The following NEDD4L variants were observed in gnomAD, a reference collection of about 807,000 sequenced individuals.
The protein encoded by NEDD4L is NEDD4 like E3 ubiquitin protein ligase.
In NEDD4L, 54 loss-of-function variants were observed where a neutral mutation model predicts 148.9. That is an observed-to-expected ratio of 0.36 (90% confidence interval 0.29 to 0.45). NEDD4L has a LOEUF of 0.45. Ranked by LOEUF, NEDD4L falls within the 20% of genes least tolerant of loss-of-function variation. The pLI, the probability that NEDD4L is intolerant of heterozygous loss-of-function variation, is 1.00. For missense variants in NEDD4L, 856 were observed against 1,233.8 expected, an observed-to-expected ratio of 0.69 and a Z score of 4.59; for synonymous variants, 433 against 440.7, an observed-to-expected ratio of 0.98 and a Z score of 0.22.
rs567751490 is a variant in NEDD4L, at chr18:58,114,845, G to A, written c.49-50943G>A. On this transcript the variant is annotated intron_variant, in intron 1 of 30. Coordinates refer to ENST00000400345, the MANE Select transcript of NEDD4L (RefSeq NM_001144967.3). The stretch of plus-strand genomic sequence containing the variant: ...CTGCGTTTGCAAAGCCAGCAGAGTA[G>A]CATCTCTGTGGCCATTCCCACATGG... Among the ~76,000 whole-genome samples the A allele has an allele frequency of 6.8e-4, 104 of 152,306 alleles. No individual in the cohort carries two copies. In the South Asian group the frequency reaches 7.5e-3, roughly 11 times the overall value.
chr18:58,229,916 G>C (rs2044902326), intron 2 of NEDD4L, among the ~76,000 whole-genome samples: 1 of 152,122 alleles, frequency 6.6e-6, no homozygotes, highest in Admixed American at 6.5e-5. Context: ...TTGAACCCAG[G>C]AGGCGGAGGT....
At chr18:58,216,912 AT>A (rs1322937019) in intron 2 of NEDD4L, among the ~76,000 whole-genome samples, 1 of 152,236 alleles carries the variant, frequency 6.6e-6, no homozygotes, top group Non-Finnish European at 1.5e-5. Context: ...AAAATTAAAC[AT>A]TAGGAATACA....
intron 1 of NEDD4L, among the ~76,000 whole-genome samples, chr18:58,080,117 G>T (rs1169251718): frequency 6.6e-6 from 1 of 152,060 alleles, no homozygotes; most frequent in Admixed American, 6.6e-5. Flanking sequence ...TAGAGACCGG[G>T]TCTCACTGTC....
At chr18:58,151,377 G>A (rs2034715857) in intron 1 of NEDD4L, among the ~76,000 whole-genome samples, 1 of 152,000 alleles carries the variant, frequency 6.6e-6, no homozygotes, top group African/African-American at 2.4e-5. Context: ...TTTCACTGTT[G>A]CGTGTTAGCA....
Position 58,090,073 on chromosome 18 carries a change from C to T in NEDD4L, c.48+45365C>T, listed in dbSNP as rs1447192545. Among the ~76,000 whole-genome samples the T allele has an allele frequency of 3.9e-5, 6 of 152,218 alleles. No individual in the cohort carries two copies. In the East Asian group the frequency reaches 9.7e-4, roughly 25 times the overall value. ...CAGGCTGGTCTCGAACTCCTGACCT[C>T]GTGATCTGCTCACCTCGTCCTCCCA... On this transcript the variant is annotated intron_variant, in intron 1 of 30. Coordinates refer to ENST00000400345, the MANE Select transcript of NEDD4L (RefSeq NM_001144967.3).
chr18:58,226,782 C>T (rs986315342), intron 2 of NEDD4L, among the ~76,000 whole-genome samples: 16 of 152,148 alleles, frequency 1.1e-4, no homozygotes, highest in African/African-American at 3.9e-4. Context: ...ACAGAGATGA[C>T]ATCCAGTTGT....
intron 2 of NEDD4L, among the ~76,000 whole-genome samples, chr18:58,201,685 CT>C (rs778479564): frequency 6.6e-6 from 1 of 152,346 alleles, no homozygotes; most frequent in African/African-American, 2.4e-5. Context: ...TCCCTGCCCC[CT>C]AATAGGTAAC....
intron 5 of NEDD4L, among the ~76,000 whole-genome samples, chr18:58,298,012 A>T (rs2055905713): frequency 6.6e-6 from 1 of 152,170 alleles, no homozygotes; most frequent in South Asian, 2.1e-4. Flanking sequence ...ATAGCAGTTT[A>T]AATTCTTGAA....
In NEDD4L at chr18:58,373,316, A is replaced by G. The variant is rs1020737850; in HGVS notation, c.2352+47A>G. ...AACTCTTCTTTAGCTTTCAAGGGGCATTTTTCTTCTTGACGGGCTGTAACA... is the reference window on the plus strand; with the variant it reads ...AACTCTTCTTTAGCTTTCAAGGGGCGTTTTTCTTCTTGACGGGCTGTAACA... On this transcript the variant is annotated intron_variant, in intron 24 of 30. Transcript: ENST00000400345. The G allele has an allele frequency of 3.6e-6, 4 of 1,113,146 alleles. No homozygotes were observed. The East Asian group carries it at 1.0e-4, about 28-fold the overall frequency. 69.0% of individuals were successfully genotyped at this position (1,113,146 alleles called of 1,614,324 possible). A position where few individuals can be genotyped will look rare whatever the true frequency, so the allele number is the denominator to read the frequency against.
chr18:58,275,578 C>G (rs2051782543), intron 5 of NEDD4L, among the ~76,000 whole-genome samples: 1 of 152,188 alleles, frequency 6.6e-6, no homozygotes. Flanking sequence ...TGTGAAGTCC[C>G]CAGAGAGTCT....
intron 1 of NEDD4L, among the ~76,000 whole-genome samples, chr18:58,050,908 C>T (rs547571463): frequency 6.6e-6 from 1 of 152,304 alleles, no homozygotes; most frequent in African/African-American, 2.4e-5. Context: ...TTCTTCAATG[C>T]AGTGTGTGCC....
intron 1 of NEDD4L, chr18:58,149,505 G>C: frequency 6.4e-7 from 1 of 1,551,242 alleles, no homozygotes; most frequent in Non-Finnish European, 8.7e-7. Context: ...TTCCTTTAAT[G>C]CACTAAACCT....
chr18:58,320,422 G>T (rs1054418599), intron 6 of NEDD4L, among the ~76,000 whole-genome samples: 18 of 152,162 alleles, frequency 1.2e-4, no homozygotes, highest in African/African-American at 4.1e-4. Flanking sequence ...GCTTCTAGTG[G>T]ATTGTTGACA....
intron 10 of NEDD4L, among the ~76,000 whole-genome samples, 164 bp downstream of exon 10, chr18:58,329,291 C>T (rs1363845191): frequency 1.3e-5 from 2 of 152,156 alleles, no homozygotes; most frequent in Non-Finnish European, 2.9e-5. Context: ...TTTGAAAGTG[C>T]CTATAAAAGC....
intron 5 of NEDD4L, among the ~76,000 whole-genome samples, chr18:58,255,082 A>C (rs565858173): frequency 1.4e-4 from 21 of 152,286 alleles, no homozygotes; most frequent in African/African-American, 5.1e-4. Context: ...AGGTGGGAAA[A>C]TACCGTGTGT....
chr18:58,155,477 T>C (rs2035370004), intron 1 of NEDD4L, among the ~76,000 whole-genome samples: 1 of 152,212 alleles, frequency 6.6e-6, no homozygotes, highest in Non-Finnish European at 1.5e-5. Flanking sequence ...AGGCGTTTTT[T>C]AGTCGTTTAT....
chr18:58,201,267 A>C (rs1296563121), intron 2 of NEDD4L, among the ~76,000 whole-genome samples: 1 of 152,026 alleles, frequency 6.6e-6, no homozygotes, highest in Non-Finnish European at 1.5e-5. Context: ...CAGGAAGCAG[A>C]GGTTGCAGTG....
intron 1 of NEDD4L, among the ~76,000 whole-genome samples, chr18:58,114,342 A>G (rs1227464885): frequency 6.8e-6 from 1 of 146,900 alleles, no homozygotes; most frequent in Admixed American, 6.7e-5. Context: ...GGGAGATTTA[A>G]AAAAAATATA....
At position 58,169,647 on chromosome 18, in the gene NEDD4L, C is replaced by T. The variant is rs56995923; in HGVS notation, c.122+3786C>T. On this transcript the variant is annotated intron_variant, in intron 2 of 30. Coordinates refer to ENST00000400345, the MANE Select transcript of NEDD4L (RefSeq NM_001144967.3). ...CTAAGACATCAAAAGAGAAGTAAAACCCTGCTCAAAACGCCCACGTGGGGC... is the reference window on the plus strand; with the variant it reads ...CTAAGACATCAAAAGAGAAGTAAAATCCTGCTCAAAACGCCCACGTGGGGC... 8.6e-3 allele frequency among the ~76,000 whole-genome samples: 1,311 copies of T among 152,324 alleles called. 17 individuals are homozygous for T. Among genetic ancestry groups the T allele is most frequent in the African/African-American group, 0.029 (1,188 of 41,558 alleles).
Sources: allele counts gnomAD v4.1 joint callset (sites outside exome capture counted in the v4.1 genomes callset), GRCh38; gene constraint gnomAD v4.1.1; transcripts MANE v1.5; gene names NCBI Gene and HGNC (gene_info 2026-07-23, HGNC 2026-07-21).